WDFY1: variants seen among roughly 807,000 people sequenced by gnomAD.
WDFY1 encodes the protein WD repeat and FYVE domain-containing protein 1.
In WDFY1, 32 loss-of-function variants were observed where a neutral mutation model predicts 56.4. The ratio of observed to expected loss-of-function variants is 0.57; its 90% confidence interval spans 0.43 to 0.76. WDFY1 has a LOEUF of 0.76. WDFY1 is among the 30% of genes least tolerant of loss of function. The pLI is 0.00. For synonymous variants in WDFY1, 192 were observed against 197.3 expected, an observed-to-expected ratio of 0.97 and a Z score of 0.23; for missense variants, 480 against 545.7, an observed-to-expected ratio of 0.88 and a Z score of 1.20.
In WDFY1 at chr2:223,912,270, C is replaced by A; in HGVS notation, c.262G>T (p.Asp88Tyr). 6.2e-7 allele frequency: 1 copy of A among 1,610,664 alleles called. No homozygotes were observed. ...CTACCTACCATTACAGCTCCATTAT[C>A]CTGGCCCACAAATATCCGTCTGCTG... ...HDSRRIFVGQ[D>Y]NGAVMEFHVS... Residue 88 changes from aspartate (D) to tyrosine (Y), a missense_variant, in exon 3 of 12, where the codon GAT (aspartate) becomes TAT (tyrosine). By Grantham distance (160) the Asp-to-Tyr change is radical. Transcript: ENST00000233055.
chr2:223,926,753 TG>T (rs1393475632), intron 1 of WDFY1, among the ~76,000 whole-genome samples: 1 of 152,118 alleles, frequency 6.6e-6, no homozygotes, highest in Admixed American at 6.6e-5. Flanking sequence ...CTGAAACCTC[TG>T]CCTCCTAGGC....
Position 223,880,110 on chromosome 2 carries a change from A to G in WDFY1, c.1173+14T>C. On this transcript the variant is annotated intron_variant, in intron 11 of 11. Coordinates refer to ENST00000233055, the MANE Select transcript of WDFY1 (RefSeq NM_020830.5). ...ATCTCAACTGAGATGCTGACAGACA[A>G]TTAGCCAGCTTACCTTTACAATGCG... 1 of 1,607,522 alleles carries G rather than the reference A, an allele frequency of 6.2e-7. No homozygotes were observed. The highest frequency in any genetic ancestry group is 1.1e-5 in the South Asian group (1 of 90,896).
intron 1 of WDFY1, among the ~76,000 whole-genome samples, chr2:223,941,489 A>C (rs1689305392): frequency 1.3e-5 from 2 of 152,024 alleles, no homozygotes; most frequent in Non-Finnish European, 2.9e-5. Flanking sequence ...CTATCCATGA[A>C]GACCAGCTCA....
chr2:223,912,429 C>T, intron 2 of WDFY1, 103 bp from the exon 3 acceptor site: 3 of 868,166 alleles, frequency 3.5e-6, no homozygotes, highest in South Asian at 3.2e-5. Context: ...AATTTAGGTT[C>T]ACAGAAAGAG....
chr2:223,902,130 A>AG, intron 4 of WDFY1, among the ~76,000 whole-genome samples: 1 of 152,326 alleles, frequency 6.6e-6, no homozygotes, highest in East Asian at 1.9e-4. Flanking sequence ...TCAGCTGTAC[A>AG]GACTGCTTAG....
intron 1 of WDFY1, among the ~76,000 whole-genome samples, chr2:223,926,646 A>ATGTGTG (rs61402571): frequency 0.029 from 4,255 of 145,094 alleles, 55 homozygotes; most frequent in African/African-American, 0.034. Flanking sequence ...ATATACAAAT[A>ATGTGTG]TGTGCGTGTG....
chr2:223,923,754 C>T (rs1275953663), intron 1 of WDFY1, among the ~76,000 whole-genome samples: 1 of 151,458 alleles, frequency 6.6e-6, no homozygotes, highest in Non-Finnish European at 1.5e-5. Context: ...GAGCAAGACT[C>T]CGTCTCAAAA....
At chr2:223,920,452 G>A (rs590916) in intron 1 of WDFY1, among the ~76,000 whole-genome samples, 128,079 of 152,282 alleles carry the variant, frequency 0.84, 54,614 homozygotes, top group Non-Finnish European at 0.93. Flanking sequence ...AGTATGCCAG[G>A]AAATATTTAC....
chr2:223,889,943 C>T (rs1693239972), intron 8 of WDFY1, among the ~76,000 whole-genome samples: 1 of 152,140 alleles, frequency 6.6e-6, no homozygotes, highest in African/African-American at 2.4e-5. Flanking sequence ...ATTTTACAGG[C>T]AAAGAAACTG....
chr2:223,905,360 G>A (rs998220326), intron 4 of WDFY1, among the ~76,000 whole-genome samples: 1 of 152,158 alleles, frequency 6.6e-6, no homozygotes, highest in Non-Finnish European at 1.5e-5. Flanking sequence ...TAAATAATCG[G>A]AATTATAGAA....
At chr2:223,919,223 A>G (rs1250106566) in intron 1 of WDFY1, among the ~76,000 whole-genome samples, 1 of 152,002 alleles carries the variant, frequency 6.6e-6, no homozygotes, top group Non-Finnish European at 1.5e-5. Context: ...TTCATTATTT[A>G]TTTATGGGAC....
chr2:223,945,232 C>T lies in WDFY1; in HGVS notation c.53G>A (p.Ser18Asn), dbSNP rs1459997879. 4 of 1,594,414 alleles carry T rather than the reference C, an allele frequency of 2.5e-6. No individual in the cohort carries two copies. The highest frequency in any genetic ancestry group is 3.4e-6 in the Non-Finnish European group (4 of 1,173,962). The change falls in exon 1 of 12, where the codon AGC (serine) becomes AAC (asparagine). Residue 18 changes from serine to asparagine, a missense_variant. Physicochemically the swap from Ser to Asn is conservative, Grantham distance 46 (BLOSUM62 1). Transcript: ENST00000233055. ...RPQSSRPVLLSKIEGHQDAVT... is the reference protein window; with the variant it reads ...RPQSSRPVLLNKIEGHQDAVT... ...GGCGTCCTGGTGCCCCTCGATCTTGCTCAGCAGCACCGGGCGGCTGCTCTG... is the reference window on the plus strand; with the variant it reads ...GGCGTCCTGGTGCCCCTCGATCTTGTTCAGCAGCACCGGGCGGCTGCTCTG...
intron 1 of WDFY1, among the ~76,000 whole-genome samples, chr2:223,926,967 C>T (rs1174866270): frequency 2.6e-5 from 4 of 152,140 alleles, no homozygotes; most frequent in Non-Finnish European, 5.9e-5. Flanking sequence ...CGTTTCCGGC[C>T]AACAAGCAAT....
At chr2:223,901,960 C>A (rs1693515049) in intron 4 of WDFY1, among the ~76,000 whole-genome samples, 1 of 152,224 alleles carries the variant, frequency 6.6e-6, no homozygotes, top group Admixed American at 6.5e-5. Flanking sequence ...TGTTACCTAA[C>A]TCTGGAAATA....
chr2:223,892,149 AT>A (rs1239795568), intron 8 of WDFY1, among the ~76,000 whole-genome samples: 1 of 151,542 alleles, frequency 6.6e-6, no homozygotes, highest in Non-Finnish European at 1.5e-5. Context: ...TAATTTTTAT[AT>A]TTTTTAGTAG....
chr2:223,902,011 T>G (rs1693515799), intron 4 of WDFY1, among the ~76,000 whole-genome samples: 1 of 152,230 alleles, frequency 6.6e-6, no homozygotes, highest in Non-Finnish European at 1.5e-5. Context: ...CAGTGTAACC[T>G]GCCTTCAACT....
In WDFY1 at chr2:223,895,561, A is replaced by C; in HGVS notation, c.668T>G (p.Ile223Ser). 1.2e-6 allele frequency: 2 copies of C among 1,614,016 alleles called. No individual in the cohort carries two copies. Among genetic ancestry groups the C allele is most frequent in the Non-Finnish European group, 1.7e-6 (2 of 1,179,954 alleles). ...LLFSGASDNSIIMWDIGGRKG... is the reference protein window; with the variant it reads ...LLFSGASDNSSIMWDIGGRKG... ...CCTTCCTCCGATGTCCCACATGATG[A>C]TGCTGTTGTCAGATGCTCCTGAGAA... Residue 223 changes from isoleucine to serine, a missense_variant, in exon 7 of 12, where the codon ATC becomes AGC. Ile to Ser is a moderately radical substitution (Grantham distance 142). Coordinates refer to ENST00000233055, the MANE Select transcript of WDFY1 (RefSeq NM_020830.5).
intron 1 of WDFY1, among the ~76,000 whole-genome samples, chr2:223,934,233 C>T (rs908501791): frequency 7.9e-5 from 12 of 151,928 alleles, no homozygotes; most frequent in Admixed American, 4.6e-4. Context: ...GGACTACAGG[C>T]GCACAACACC....
At chr2:223,908,083 C>T (rs1231575062) in intron 3 of WDFY1, among the ~76,000 whole-genome samples, 1 of 152,048 alleles carries the variant, frequency 6.6e-6, no homozygotes, top group Non-Finnish European at 1.5e-5. Context: ...TGGTCTCTAA[C>T]TCCTGGGCTC....
Sources: allele counts gnomAD v4.1 joint callset (sites outside exome capture counted in the v4.1 genomes callset), GRCh38; gene constraint gnomAD v4.1.1; transcripts MANE v1.5; gene names NCBI Gene and HGNC (gene_info 2026-07-23, HGNC 2026-07-21).